Variants in FAM149A observed in about 807,000 individuals in gnomAD.
FAM149A encodes family with sequence similarity 149 member A.
Under a neutral mutation model 78.2 loss-of-function variants are expected in FAM149A, and 71 were observed. The ratio of observed to expected loss-of-function variants is 0.91; its 90% CI spans 0.75 to 1.11. The LOEUF (loss-of-function observed/expected upper bound fraction) is 1.11. Among genes scored for constraint, FAM149A ranks in the 50% least tolerant of loss-of-function variants. The pLI is 0.00. For synonymous variants in FAM149A, 446 were observed against 410.5 expected (o/e 1.09, Z -1.04); for missense variants, 1,036 against 971.0 (o/e 1.07, Z -0.89).
At chr4:186,109,306 T>A in intron 1 of FAM149A, 4 of 725,322 alleles carry the variant, frequency 5.5e-6, no homozygotes, top group Non-Finnish European at 6.7e-6. Flanking sequence ...AAGCATATAT[T>A]CACTCTTTTT....
chr4:186,110,147 C>T (rs2099310601), intron 1 of FAM149A: 1 of 985,254 alleles, frequency 1.0e-6, no homozygotes, highest in Admixed American at 6.2e-5. Context: ...AGACATTTAG[C>T]AAATATTTAT....
intron 1 of FAM149A, chr4:186,116,911 C>A: frequency 4.5e-6 from 1 of 221,650 alleles, no homozygotes; most frequent in Non-Finnish European, 7.6e-6. Context: ...GTAATCATAA[C>A]AGCTCATGTA....
chr4:186,158,203 C>G (rs903592844), intron 8 of FAM149A: 25 of 1,280,810 alleles, frequency 2.0e-5, no homozygotes, highest in Non-Finnish European at 2.5e-5. Context: ...CTGGCCGCTT[C>G]TCTCCTGGAA....
intron 1 of FAM149A, chr4:186,145,093 C>T: frequency 1.0e-6 from 1 of 985,484 alleles, no homozygotes; most frequent in Non-Finnish European, 1.2e-6. Context: ...GAGCACAGGC[C>T]CGGGGCTGAT....
intron 1 of FAM149A, among the ~76,000 whole-genome samples, chr4:186,124,448 GT>G (rs758189786): frequency 1.4e-5 from 2 of 141,314 alleles, no homozygotes; most frequent in African/African-American, 2.6e-5. Context: ...GGTGTGTGAT[GT>G]TCCCCTTCCT....
rs1363740121 is a variant in FAM149A at position 186,113,379 on chromosome 4, G to A, written c.566+7737G>A. 4.9e-5 allele frequency among the ~76,000 whole-genome samples: 4 copies of A among 82,076 alleles called. No individual in the cohort carries two copies. The Admixed American group carries it at 6.0e-4, about 12-fold the overall frequency. 53.8% of individuals were successfully genotyped at this position (82,076 alleles called of 152,430 possible). On this transcript the variant is annotated intron_variant, in intron 1 of 13. Transcript: ENST00000389354. ...TCATTAATTTTTTGAAGGGTTTTTTGTGTCTCTATTTCCTTCACTTCTGCT... is the reference window on the plus strand; with the variant it reads ...TCATTAATTTTTTGAAGGGTTTTTTATGTCTCTATTTCCTTCACTTCTGCT...
intron 3 of FAM149A, among the ~76,000 whole-genome samples, chr4:186,150,577 G>T (rs13127990): frequency 2.0e-5 from 2 of 97,818 alleles, no homozygotes; most frequent in Non-Finnish European, 2.1e-5. Flanking sequence ...CCACCACCAC[G>T]CCCGGCTAAT....
At chr4:186,158,874 G>A in intron 8 of FAM149A, 1 of 876,942 alleles carries the variant, frequency 1.1e-6, no homozygotes, top group African/African-American at 1.8e-5. Context: ...CCACCAGCAA[G>A]ATGGAAATAA....
chr4:186,106,212 C>T (rs963325856), intron 1 of FAM149A, among the ~76,000 whole-genome samples: 1 of 152,116 alleles, frequency 6.6e-6, no homozygotes, highest in Non-Finnish European at 1.5e-5. Flanking sequence ...TACCCTAGAG[C>T]TCCTGAGAGC....
At chr4:186,117,127 CTT>C (rs1293109327) in intron 1 of FAM149A, among the ~76,000 whole-genome samples, 1 of 151,952 alleles carries the variant, frequency 6.6e-6, no homozygotes, top group Non-Finnish European at 1.5e-5. Flanking sequence ...TCTATACAAA[CTT>C]GTCCCTGTGG....
chr4:186,154,724 T>A, intron 6 of FAM149A, 86 bp downstream of exon 6: 1 of 1,451,326 alleles, frequency 6.9e-7, no homozygotes, highest in Non-Finnish European at 9.1e-7. Context: ...CATTAAGTGT[T>A]TTGTGTATTT....
chr4:186,160,833 A>G, intron 8 of FAM149A: 1 of 985,286 alleles, frequency 1.0e-6, no homozygotes, highest in Non-Finnish European at 1.2e-6. Flanking sequence ...TCTAGCTGAT[A>G]GCAGAGTGAA....
At chr4:186,106,363 T>C (rs1488001951) in intron 1 of FAM149A, among the ~76,000 whole-genome samples, 1 of 152,170 alleles carries the variant, frequency 6.6e-6, no homozygotes, top group Non-Finnish European at 1.5e-5. Context: ...AAAACATTGC[T>C]CTTTTAAAAT....
chr4:186,150,788 G>C (rs28691108), intron 3 of FAM149A: 130,742 of 150,266 alleles, frequency 0.87, 56,867 homozygotes, highest in Middle Eastern at 0.91. Flanking sequence ...GTGGTGCCAT[G>C]TCGGCTCACT....
intron 1 of FAM149A, chr4:186,110,217 T>G (rs2099310623): frequency 1.0e-6 from 1 of 985,298 alleles, no homozygotes; most frequent in African/African-American, 1.7e-5. Context: ...GTTTCTAATC[T>G]TACAACAACC....
intron 1 of FAM149A, among the ~76,000 whole-genome samples, chr4:186,138,287 A>AT (rs1246451344): frequency 6.6e-6 from 1 of 152,036 alleles, no homozygotes; most frequent in African/African-American, 2.4e-5. Flanking sequence ...AGGGAGAGAG[A>AT]TTTTTTAAAA....
chr4:186,159,983 C>G (rs916001294), intron 8 of FAM149A, among the ~76,000 whole-genome samples: 1 of 150,022 alleles, frequency 6.7e-6, no homozygotes, highest in Non-Finnish European at 1.5e-5. Flanking sequence ...ACACACCACA[C>G]ACACACACTG....
At chr4:186,160,699 ACACT>A in intron 8 of FAM149A, 2 of 671,140 alleles carry the variant, frequency 3.0e-6, no homozygotes, top group Non-Finnish European at 3.6e-6. Context: ...CATACCACAC[ACACT>A]ACCACACACC....
intron 7 of FAM149A, among the ~76,000 whole-genome samples, chr4:186,157,247 C>G (rs141019830): frequency 3.0e-4 from 45 of 152,286 alleles, no homozygotes; most frequent in African/African-American, 1.1e-3. Flanking sequence ...TTTTATTAAT[C>G]AATTTGTACA....
Sources: allele counts gnomAD v4.1 joint callset (sites outside exome capture counted in the v4.1 genomes callset), GRCh38; gene constraint gnomAD v4.1.1; transcripts MANE v1.5; gene names NCBI Gene and HGNC (gene_info 2026-07-23, HGNC 2026-07-21).